ASTN1: variants seen among roughly 807,000 people sequenced by gnomAD.
ASTN1 encodes the protein astrotactin-1.
A neutral mutation model predicts 140.7 loss-of-function variants in ASTN1; 41 were observed. The observed-to-expected ratio is 0.29, with a 90% CI of 0.23 to 0.38. The LOEUF is 0.38. Ranked by LOEUF, ASTN1 falls within the 10% of genes least tolerant of loss-of-function variation. The pLI, the probability that ASTN1 is intolerant of heterozygous loss-of-function variation, is 1.00. For missense variants in ASTN1, 1,479 were observed against 1,678.8 expected, an observed-to-expected ratio of 0.88 and a Z score of 2.08; for synonymous variants, 640 against 652.2, an observed-to-expected ratio of 0.98 and a Z score of 0.29.
At chr1:177,114,729 T>C (rs1680997108) in intron 1 of ASTN1, among the ~76,000 whole-genome samples, 1 of 152,296 alleles carries the variant, frequency 6.6e-6, no homozygotes, top group South Asian at 2.1e-4. Context: ...GTATACACCA[T>C]CACAGTTAAG....
chr1:177,044,465 G>C (rs1558054621), intron 2 of ASTN1, among the ~76,000 whole-genome samples: 1 of 152,320 alleles, frequency 6.6e-6, no homozygotes, highest in East Asian at 1.9e-4. Context: ...CAGCAGAACA[G>C]CCAAATGCTG....
chr1:177,047,340 C>A (rs1677287653), intron 2 of ASTN1, among the ~76,000 whole-genome samples: 1 of 152,102 alleles, frequency 6.6e-6, no homozygotes, highest in African/African-American at 2.4e-5. Context: ...TATTAAATAG[C>A]AAGGGAGGTC....
intron 20 of ASTN1, among the ~76,000 whole-genome samples, chr1:176,880,052 G>A (rs1002287904): frequency 1.3e-5 from 2 of 152,222 alleles, no homozygotes; most frequent in South Asian, 4.1e-4. Flanking sequence ...TTACTGGGCA[G>A]AAGAGATAAG....
At position 176,978,229 on chromosome 1, in the gene ASTN1, A is replaced by G. The variant is rs540294296; in HGVS notation, c.1524-12992T>C. On this transcript the variant is annotated intron_variant, in intron 8 of 22. Coordinates refer to ENST00000361833, the MANE Select transcript of ASTN1 (RefSeq NM_004319.3). ...GGATACACAGGGATGGAAAAAATAAATTAAAGCCATAACATGATGGTACCT... is the reference window on the plus strand; with the variant it reads ...GGATACACAGGGATGGAAAAAATAAGTTAAAGCCATAACATGATGGTACCT... 9.2e-5 allele frequency among the ~76,000 whole-genome samples: 14 copies of G among 152,306 alleles called. No individual in the cohort carries two copies. The South Asian group carries it at 2.7e-3, about 29-fold the overall frequency.
intron 14 of ASTN1, among the ~76,000 whole-genome samples, chr1:176,940,355 C>T (rs762469809): frequency 6.6e-6 from 1 of 152,152 alleles, no homozygotes; most frequent in Non-Finnish European, 1.5e-5. Flanking sequence ...AAAATAACCA[C>T]TATAACAATT....
At chr1:177,151,998 C>T (rs1383008388) in intron 1 of ASTN1, among the ~76,000 whole-genome samples, 3 of 151,898 alleles carry the variant, frequency 2.0e-5, no homozygotes, top group Non-Finnish European at 4.4e-5. Flanking sequence ...AAGAGCCAGT[C>T]AGAGAAATCA....
Position 176,864,477 on chromosome 1 carries a change from C to G in ASTN1, c.3692G>C (p.Trp1231Ser). Residue 1231 changes from tryptophan to serine, a missense_variant, in exon 23 of 23, where the codon TGG becomes TCG. Around this residue, in one of 3 missense-constraint regions of ASTN1, gnomAD observed 746 missense variants for 800.9 expected, o/e 0.93. Transcript: ENST00000361833. ...ILSQLGDLSS[W>S]CNGLLQEPKI... ...GGGTTCCTGAAGGAGTCCATTGCACCAACTGCTGAGGTCCCCAAGCTGGGA... is the reference window on the plus strand; with the variant it reads ...GGGTTCCTGAAGGAGTCCATTGCACGAACTGCTGAGGTCCCCAAGCTGGGA... 2 of 1,614,142 alleles carry G rather than the reference C, an allele frequency of 1.2e-6. No individual in the cohort carries two copies. The highest frequency in any genetic ancestry group is 1.7e-6 in the Non-Finnish European group (2 of 1,180,014).
At chr1:177,096,149 C>G (rs1571776310) in intron 1 of ASTN1, among the ~76,000 whole-genome samples, 1 of 152,150 alleles carries the variant, frequency 6.6e-6, no homozygotes, top group African/African-American at 2.4e-5. Context: ...TTTGGAAACA[C>G]ATAACTTGTT....
chr1:176,936,911 A>T (rs1273624573), intron 14 of ASTN1, among the ~76,000 whole-genome samples: 1 of 152,196 alleles, frequency 6.6e-6, no homozygotes, highest in Non-Finnish European at 1.5e-5. Context: ...GATATCTGAA[A>T]AGTGGGGATA....
intron 2 of ASTN1, among the ~76,000 whole-genome samples, chr1:177,059,556 A>G (rs1270655255): frequency 6.6e-6 from 1 of 152,196 alleles, no homozygotes; most frequent in Non-Finnish European, 1.5e-5. Context: ...AACATTTGCA[A>G]TTCAGGAACT....
intron 1 of ASTN1, among the ~76,000 whole-genome samples, chr1:177,072,117 C>A (rs915582938): frequency 1.3e-5 from 2 of 152,152 alleles, no homozygotes; most frequent in Non-Finnish European, 2.9e-5. Context: ...ACAGACTGTG[C>A]TGTCTACCAA....
intron 8 of ASTN1, among the ~76,000 whole-genome samples, chr1:176,996,635 ACTTAATACACGTGTAGGTTTGCCT>A (rs1240474990): frequency 6.6e-6 from 1 of 152,202 alleles, no homozygotes; most frequent in Non-Finnish European, 1.5e-5. Flanking sequence ...AGAACAGCAG[ACTTAATACACGTGTAGGTTTGCCT>A]CTTCCTCCCT....
Position 177,149,023 on chromosome 1 carries a change from GAT to G in ASTN1, c.283+15369_283+15370del, listed in dbSNP as rs143970091. Among the ~76,000 whole-genome samples, 1,077 of 130,700 alleles carry G rather than the reference GAT, an allele frequency of 8.2e-3. 19 individuals carry two copies. The highest frequency in any genetic ancestry group is 0.029 in the African/African-American group (1,025 of 35,192). 85.7% of individuals were successfully genotyped at this position (130,700 alleles called of 152,430 possible). A position where few individuals can be genotyped will look rare whatever the true frequency, so the allele number is the denominator to read the frequency against. On this transcript the variant is annotated intron_variant, in intron 1 of 22. Transcript: ENST00000361833. ...GTAAATATCTAGAAGAGAGGAAGGA[GAT>G]ATATATATATATAGTAAATATATAT...
intron 1 of ASTN1, among the ~76,000 whole-genome samples, chr1:177,076,821 C>A (rs1216595164): frequency 2.0e-5 from 3 of 152,118 alleles, no homozygotes; most frequent in African/African-American, 7.2e-5. Context: ...CCACACCTGG[C>A]CTTAGAGTTT....
intron 8 of ASTN1, among the ~76,000 whole-genome samples, chr1:176,997,803 G>A (rs1468671312): frequency 6.6e-6 from 1 of 152,186 alleles, no homozygotes; most frequent in African/African-American, 2.4e-5. Flanking sequence ...CCCAAAGGAG[G>A]AAGAGAGGGC....
chr1:176,957,853 A>G, intron 10 of ASTN1, 25 bp from the exon 11 acceptor site: 1 of 1,610,712 alleles, frequency 6.2e-7, no homozygotes, highest in Non-Finnish European at 8.5e-7. Flanking sequence ...AGTGGGAAGC[A>G]GGGAGGAGTC....
chr1:176,864,041 A>G lies in ASTN1; in HGVS notation c.*243T>C. The G allele has an allele frequency of 7.6e-7, 1 of 1,319,578 alleles. No homozygotes were observed. The highest frequency in any genetic ancestry group is 9.7e-7 in the Non-Finnish European group (1 of 1,034,212). The allele number at this position is 1,319,578 out of a possible 1,614,324, so 81.7% of individuals were successfully genotyped here. On this transcript the variant is annotated 3_prime_UTR_variant, in exon 23 of 23. Transcript: ENST00000361833. ...TTAATGGCAAAGCAAACCCCAAAGT[A>G]ATCCTCTAAAGAAATATGGCACTGC...
intron 2 of ASTN1, among the ~76,000 whole-genome samples, chr1:177,053,468 A>AG (rs1266657500): frequency 1.3e-5 from 2 of 152,160 alleles, no homozygotes; most frequent in Non-Finnish European, 2.9e-5. Flanking sequence ...AGTTCTGCCA[A>AG]GGGCCCTCTT....
chr1:176,990,959 T>C (rs1410278124), intron 8 of ASTN1, among the ~76,000 whole-genome samples: 3 of 152,248 alleles, frequency 2.0e-5, no homozygotes, highest in Non-Finnish European at 2.9e-5. Flanking sequence ...CATTTAAGTA[T>C]GTTTAATCCA....
Sources: allele counts gnomAD v4.1 joint callset (sites outside exome capture counted in the v4.1 genomes callset), GRCh38; gene constraint gnomAD v4.1.1; regional missense constraint gnomAD v4.1.1; transcripts MANE v1.5; gene names NCBI Gene and HGNC (gene_info 2026-07-23, HGNC 2026-07-21).